The following CENPP variants were observed in gnomAD, a reference collection of about 807,000 sequenced individuals.
CENPP encodes centromere protein P.
Under a neutral mutation model 35.6 loss-of-function variants are expected in CENPP, and 24 were observed. That is an observed-to-expected ratio of 0.67 (90% CI 0.49 to 0.95). CENPP has a LOEUF of 0.95. Among genes scored for constraint, CENPP ranks in the 40% least tolerant of loss-of-function variants. The probability of loss-of-function intolerance (pLI) is 0.00; values close to 1 mark genes in which losing one functional copy is unlikely to be tolerated. For synonymous variants in CENPP, 120 were observed against 125.5 expected (o/e 0.96, Z 0.29); for missense variants, 332 against 345.3 (o/e 0.96, Z 0.31).
intron 5 of CENPP, among the ~76,000 whole-genome samples, chr9:92,516,032 A>G (rs1470248212): frequency 6.6e-6 from 1 of 151,462 alleles, no homozygotes. Context: ...CTGGGTAAAC[A>G]GTTCTAGGAA....
intron 4 of CENPP, among the ~76,000 whole-genome samples, chr9:92,359,086 A>C (rs1841670783): frequency 6.6e-6 from 1 of 151,574 alleles, no homozygotes; most frequent in African/African-American, 2.4e-5. Flanking sequence ...AGTAGCTAGG[A>C]TTAAAGGCAT....
At chr9:92,502,513 T>C (rs932265688) in intron 5 of CENPP, 2 of 1,612,306 alleles carry the variant, frequency 1.2e-6, no homozygotes, top group Non-Finnish European at 1.7e-6. Flanking sequence ...ATGTACTTAC[T>C]CTTGATTTAT....
intron 1 of CENPP, 82 bp from the exon 2 acceptor site, chr9:92,332,088 G>A: frequency 1.2e-6 from 1 of 808,176 alleles, no homozygotes; most frequent in Non-Finnish European, 1.9e-6. Context: ...GGACAAAATG[G>A]GAATGCTTTG....
chr9:92,551,669 C>T (rs1381013949), intron 5 of CENPP, among the ~76,000 whole-genome samples: 1 of 151,786 alleles, frequency 6.6e-6, no homozygotes, highest in Non-Finnish European at 1.5e-5. Context: ...TATCCCTCAC[C>T]CCACTCCCAC....
At chr9:92,447,393 T>TTAGA in intron 5 of CENPP, among the ~76,000 whole-genome samples, 1 of 151,890 alleles carries the variant, frequency 6.6e-6, no homozygotes, top group South Asian at 2.1e-4. Flanking sequence ...AGCATGCAAG[T>TTAGA]TAGATCCCTC....
chr9:92,550,361 A>C (rs1849562352), intron 5 of CENPP, among the ~76,000 whole-genome samples: 1 of 149,346 alleles, frequency 6.7e-6, no homozygotes. Flanking sequence ...GTGCCATTGC[A>C]CTCCAGCCTG....
chr9:92,421,116 C>T (rs917140212), intron 5 of CENPP, among the ~76,000 whole-genome samples: 3 of 152,146 alleles, frequency 2.0e-5, no homozygotes, highest in African/African-American at 7.2e-5. Flanking sequence ...GCACTCTTGG[C>T]TCACCCTCCA....
chr9:92,569,675 T>C (rs1248468000), intron 5 of CENPP, among the ~76,000 whole-genome samples: 1 of 152,228 alleles, frequency 6.6e-6, no homozygotes, highest in Non-Finnish European at 1.5e-5. Context: ...TTGGGCAGTA[T>C]GGCCATCTTC....
Position 92,485,982 on chromosome 9 carries a change from A to G in CENPP, c.564+106123A>G, listed in dbSNP as rs117805970. Among the ~76,000 whole-genome samples the G allele has an allele frequency of 1.9e-3, 296 of 152,338 alleles. 2 individuals carry two copies. Among genetic ancestry groups the G allele is most frequent in the Non-Finnish European group, 3.5e-3 (239 of 68,032 alleles). On this transcript the variant is annotated intron_variant, in intron 5 of 7. Transcript: ENST00000375587. ...AGTCTGTGGTGTCCTTCACATTCTA[A>G]ATGAATTGGAATAGATTGTACAATG...
chr9:92,403,392 A>G (rs1431669886), intron 5 of CENPP: 1 of 1,606,306 alleles, frequency 6.2e-7, no homozygotes, highest in East Asian at 2.2e-5. Flanking sequence ...AGAAGTGTAG[A>G]CTGCAGAGTC....
chr9:92,367,107 A>C (rs1441305003), intron 4 of CENPP, among the ~76,000 whole-genome samples: 3 of 152,210 alleles, frequency 2.0e-5, no homozygotes, highest in Admixed American at 2.0e-4. Context: ...TAGATTAATA[A>C]GACAAAAGTT....
chr9:92,389,678 A>G, intron 5 of CENPP: 1 of 529,156 alleles, frequency 1.9e-6, no homozygotes, highest in East Asian at 3.0e-5. Flanking sequence ...AGATATGGGT[A>G]TAAGCTAGGC....
chr9:92,535,094 C>G (rs895279975), intron 5 of CENPP, among the ~76,000 whole-genome samples: 2 of 148,994 alleles, frequency 1.3e-5, no homozygotes, highest in Non-Finnish European at 3.0e-5. Context: ...ACCTCTCTTT[C>G]TTTTTTTCCC....
At chr9:92,442,699 A>AG (rs1452094311) in intron 5 of CENPP, among the ~76,000 whole-genome samples, 1 of 151,882 alleles carries the variant, frequency 6.6e-6, no homozygotes, top group Non-Finnish European at 1.5e-5. Context: ...ACAAAAAAAA[A>AG]TTAGCCAGGC....
At chr9:92,481,063 A>T (rs1032378665) in intron 5 of CENPP, among the ~76,000 whole-genome samples, 2 of 152,134 alleles carry the variant, frequency 1.3e-5, no homozygotes, top group African/African-American at 4.8e-5. Flanking sequence ...ATTTCTCCAC[A>T]TGTCTAGCAA....
chr9:92,468,734 A>G (rs908374563), intron 5 of CENPP, among the ~76,000 whole-genome samples: 25 of 152,252 alleles, frequency 1.6e-4, no homozygotes, highest in African/African-American at 6.0e-4. Context: ...GATTTACATC[A>G]GTACACCTGG....
chr9:92,618,550 A>G lies in CENPP; in HGVS notation c.*5401A>G. 2.2e-6 allele frequency: 1 copy of G among 456,648 alleles called. No homozygotes were observed. Among genetic ancestry groups the G allele is most frequent in the Non-Finnish European group, 4.4e-6 (1 of 226,960 alleles). The allele number at this position is 456,648 out of a possible 1,614,324, so 28.3% of individuals were successfully genotyped here. The stretch of plus-strand genomic sequence containing the variant: ...GGTCGGGGGGCTGCTGAACAGTGGT[A>G]TCTTCGTGGGTTTTCTCTCATCGAA... On this transcript the variant is annotated 3_prime_UTR_variant, in exon 8 of 8. Transcript: ENST00000375587.
chr9:92,342,279 G>A (rs890405847), intron 3 of CENPP, among the ~76,000 whole-genome samples: 1 of 152,258 alleles, frequency 6.6e-6, no homozygotes, highest in Non-Finnish European at 1.5e-5. Flanking sequence ...CATATGGCCA[G>A]TGAAAAACTG....
At chr9:92,416,068 ATATT>A (rs1236767686) in intron 5 of CENPP, among the ~76,000 whole-genome samples, 7 of 136,992 alleles carry the variant, frequency 5.1e-5, no homozygotes, top group African/African-American at 1.3e-4. Context: ...GTATATATAT[ATATT>A]TATTTATTTA....
Sources: gnomAD v4.1 joint callset for allele counts (sites outside exome capture counted in the v4.1 genomes callset) on GRCh38, gnomAD v4.1.1 for gene constraint, MANE v1.5 for transcripts, NCBI Gene and HGNC (gene_info 2026-07-23, HGNC 2026-07-21) for gene names.